The following PIAS1 variants were observed in gnomAD, a reference collection of about 807,000 sequenced individuals.
PIAS1 encodes the protein E3 SUMO-protein ligase PIAS1.
In PIAS1, 6 loss-of-function variants were observed where a neutral mutation model predicts 71.3. The ratio of observed to expected loss-of-function variants is 0.08; its 90% CI spans 0.05 to 0.17. The LOEUF (loss-of-function observed/expected upper bound fraction) is 0.17. Among genes scored for constraint, PIAS1 ranks in the 10% least tolerant of loss-of-function variants. The pLI, the probability that PIAS1 is intolerant of heterozygous loss-of-function variation, is 1.00. For missense variants in PIAS1, 555 were observed against 793.6 expected (o/e 0.70, Z 3.61); for synonymous variants, 303 against 292.9 (o/e 1.03, Z -0.35).
At chr15:68,145,434 G>A (rs927442481) in intron 4 of PIAS1, among the ~76,000 whole-genome samples, 3 of 152,114 alleles carry the variant, frequency 2.0e-5, no homozygotes, top group Middle Eastern at 3.2e-3. Flanking sequence ...GCTCTGAAAA[G>A]TTCTGTATTA....
At chr15:68,123,412 G>A (rs754313007) in intron 2 of PIAS1, among the ~76,000 whole-genome samples, 5 of 152,074 alleles carry the variant, frequency 3.3e-5, no homozygotes, top group Non-Finnish European at 5.9e-5. Flanking sequence ...AAAGTTATGA[G>A]TTTACTGTTC....
At chr15:68,094,045 TAAG>T (rs1317511354) in intron 2 of PIAS1, among the ~76,000 whole-genome samples, 1 of 152,148 alleles carries the variant, frequency 6.6e-6, no homozygotes, top group East Asian at 1.9e-4. Context: ...TTTTCATTTT[TAAG>T]CCTGGGAAGG....
At chr15:68,177,638 G>A (rs1190875666) in intron 11 of PIAS1, among the ~76,000 whole-genome samples, 1 of 152,180 alleles carries the variant, frequency 6.6e-6, no homozygotes, top group African/African-American at 2.4e-5. Flanking sequence ...AGCTAAGCAT[G>A]GATGATAATA....
At chr15:68,102,803 CAG>C (rs1171516727) in intron 2 of PIAS1, among the ~76,000 whole-genome samples, 1 of 152,126 alleles carries the variant, frequency 6.6e-6, no homozygotes, top group Non-Finnish European at 1.5e-5. Flanking sequence ...TTTCTGCAAA[CAG>C]GGACAGTTTT....
intron 2 of PIAS1, among the ~76,000 whole-genome samples, chr15:68,132,983 CT>C (rs893517412): frequency 4.4e-4 from 63 of 142,970 alleles, no homozygotes; most frequent in Middle Eastern, 3.8e-3. Flanking sequence ...CTTTTCTTTT[CT>C]TTTTTTTTTT....
chr15:68,110,563 T>G (rs2092514824), intron 2 of PIAS1, among the ~76,000 whole-genome samples: 1 of 151,844 alleles, frequency 6.6e-6, no homozygotes, highest in Non-Finnish European at 1.5e-5. Flanking sequence ...ACCATTGCAC[T>G]CCAGCCTGGG....
At chr15:68,153,731 T>C (rs2092865940) in intron 7 of PIAS1, 36 bp downstream of exon 7, 5 of 1,093,350 alleles carry the variant, frequency 4.6e-6, no homozygotes, top group Non-Finnish European at 7.0e-6. Flanking sequence ...TATTCAGCTA[T>C]TTTGTTAAAG....
chr15:68,147,439 A>T (rs532909380), intron 6 of PIAS1, among the ~76,000 whole-genome samples: 1 of 152,114 alleles, frequency 6.6e-6, no homozygotes, highest in East Asian at 1.9e-4. Context: ...TGATTATGAG[A>T]TCTTCATATA....
intron 6 of PIAS1, among the ~76,000 whole-genome samples, chr15:68,153,205 T>C (rs1204945534): frequency 1.3e-5 from 2 of 152,220 alleles, no homozygotes; most frequent in African/African-American, 4.8e-5. Context: ...TGACATCTTA[T>C]TGTCTTTGGC....
At chr15:68,070,485 A>G (rs988359398) in intron 1 of PIAS1, among the ~76,000 whole-genome samples, 21 of 152,060 alleles carry the variant, frequency 1.4e-4, no homozygotes, top group African/African-American at 5.1e-4. Flanking sequence ...ATGAGGAGTT[A>G]AGTTGGAGCC....
intron 10 of PIAS1, 73 bp downstream of exon 10, chr15:68,175,840 A>G (rs1465388307): frequency 9.4e-7 from 1 of 1,061,706 alleles, no homozygotes; most frequent in Non-Finnish European, 1.3e-6. Flanking sequence ...TAAAATCCAT[A>G]TATTTTTAAA....
At chr15:68,078,917 A>G (rs1369673880) in intron 1 of PIAS1, among the ~76,000 whole-genome samples, 2 of 152,368 alleles carry the variant, frequency 1.3e-5, no homozygotes, top group Non-Finnish European at 2.9e-5. Flanking sequence ...AGATTTCACT[A>G]ACTGTATGTA....
In PIAS1 at chr15:68,054,691, C is replaced by G. The variant is rs1033601971; in HGVS notation, c.24+341C>G. The G allele has an allele frequency of 4.5e-6, 1 of 224,200 alleles. No homozygotes were observed. The highest frequency in any genetic ancestry group is 2.3e-5 in the African/African-American group (1 of 43,794). The allele number at this position is 224,200 out of a possible 1,614,324, so 13.9% of individuals were successfully genotyped here. On this transcript the variant is annotated intron_variant, in intron 1 of 13. Transcript: ENST00000249636. The surrounding 1 kb of genome is among the most constrained non-coding windows in gnomAD (Gnocchi z 4.6). ...CACCTTCCAGTTAGCCTCCCTGCCC[C>G]CCATGGGGAGCTGGGGCTGGGGGCA...
In PIAS1 at chr15:68,188,050, A is replaced by G. The variant is rs2093099667; in HGVS notation, c.*215A>G. 1 of 355,600 alleles carries G rather than the reference A, an allele frequency of 2.8e-6. No individual in the cohort carries two copies. The highest frequency in any genetic ancestry group is 5.0e-6 in the Non-Finnish European group (1 of 198,960). 22.0% of individuals were successfully genotyped at this position (355,600 alleles called of 1,614,324 possible). On this transcript the variant is annotated 3_prime_UTR_variant, in exon 14 of 14. Transcript: ENST00000249636. Reference sequence around the variant, plus strand: ...ATATAAATCTAAGACTGCCTGTGTGATAAAACACTTGTTTAAAAAAAAAAA... The same window carrying G: ...ATATAAATCTAAGACTGCCTGTGTGGTAAAACACTTGTTTAAAAAAAAAAA...
At chr15:68,152,963 A>G (rs2092858940) in intron 6 of PIAS1, among the ~76,000 whole-genome samples, 1 of 145,592 alleles carries the variant, frequency 6.9e-6, no homozygotes, top group African/African-American at 2.6e-5. Flanking sequence ...TCTGCTGGTA[A>G]TGGATATTCA....
At chr15:68,057,528 T>C (rs754571235) in intron 1 of PIAS1, 40 of 433,268 alleles carry the variant, frequency 9.2e-5, no homozygotes, top group South Asian at 6.2e-4. Flanking sequence ...GTGGAGTAAA[T>C]AATGAAATTA....
intron 7 of PIAS1, among the ~76,000 whole-genome samples, chr15:68,159,357 G>GT (rs1449278598): frequency 6.6e-6 from 1 of 152,004 alleles, no homozygotes. Context: ...TTTTGAGAAA[G>GT]TTTTTTAAAG....
Position 68,174,474 on chromosome 15 carries a change from C to G in PIAS1, c.1169+582C>G, listed in dbSNP as rs1325557166. 2.0e-5 allele frequency among the ~76,000 whole-genome samples: 3 copies of G among 152,172 alleles called. No individual in the cohort carries two copies. The highest frequency in any genetic ancestry group is 6.5e-5 in the Admixed American group (1 of 15,282). On this transcript the variant is annotated intron_variant, in intron 9 of 13. Coordinates refer to ENST00000249636, the MANE Select transcript of PIAS1 (RefSeq NM_016166.3). The surrounding 1 kb of genome is among the most constrained non-coding windows in gnomAD (Gnocchi z 4.0). ...TTCTTCTATTCTGCAGCCCCCTTTT[C>G]CTCCTGCTTTTTGCCACTAAACAAA...
chr15:68,139,057 G>A (rs2092752893), intron 2 of PIAS1, among the ~76,000 whole-genome samples: 2 of 152,092 alleles, frequency 1.3e-5, no homozygotes, highest in Non-Finnish European at 2.9e-5. Flanking sequence ...ATTATTGGTT[G>A]TTTTCAATAT....
Sources: gnomAD v4.1 joint callset for allele counts (sites outside exome capture counted in the v4.1 genomes callset) on GRCh38, gnomAD v4.1.1 for gene constraint, Gnocchi (gnomAD v3.1) non-coding constraint, MANE v1.5 for transcripts, NCBI Gene and HGNC (gene_info 2026-07-23, HGNC 2026-07-21) for gene names.